The following FERRY3 variants were observed in gnomAD, a reference collection of about 807,000 sequenced individuals.
FERRY3 encodes the protein protein C12orf4.
At chr12:4,517,684 A>AAAATATATATAT in the FERRY3 span, among the ~76,000 whole-genome samples, 4 of 140,554 alleles carry the variant, frequency 2.8e-5, no homozygotes, top group Middle Eastern at 3.7e-3. Flanking sequence ...AGGTTATTAA[A>AAAATATATATAT]ATATATATAT....
chr12:4,529,785 T>C, the FERRY3 span: 10 of 1,190,706 alleles, frequency 8.4e-6, no homozygotes, highest in East Asian at 2.5e-5. Context: ...ATCCTTTTTG[T>C]AAAAAATAAA....
chr12:4,516,853 T>C, the FERRY3 span, among the ~76,000 whole-genome samples: 3 of 152,270 alleles, frequency 2.0e-5, no homozygotes, highest in East Asian at 5.8e-4. Flanking sequence ...ACCCTGGAAC[T>C]TAAAGTAAAA....
chr12:4,536,109 C>G, the FERRY3 span: 1 of 1,609,924 alleles, frequency 6.2e-7, no homozygotes, highest in East Asian at 2.2e-5. Flanking sequence ...GAGTGGCACT[C>G]TCAGTTCTAA....
the FERRY3 span, among the ~76,000 whole-genome samples, chr12:4,524,256 A>G: frequency 6.6e-6 from 1 of 152,184 alleles, no homozygotes; most frequent in Middle Eastern, 3.4e-3. Context: ...TTTTTTTCCT[A>G]TTGTTATTTT....
the FERRY3 span, among the ~76,000 whole-genome samples, chr12:4,520,441 A>G: frequency 6.6e-6 from 1 of 152,232 alleles, no homozygotes; most frequent in Non-Finnish European, 1.5e-5. Flanking sequence ...TGGGAGGCAG[A>G]GCAAAAGTAT....
the FERRY3 span, among the ~76,000 whole-genome samples, chr12:4,504,458 C>T: frequency 6.6e-6 from 1 of 152,204 alleles, no homozygotes; most frequent in African/African-American, 2.4e-5. Context: ...ACTGAATTTT[C>T]AGTTGTTAAA....
At chr12:4,490,607 A>G in the FERRY3 span, 1 of 1,596,560 alleles carries the variant, frequency 6.3e-7, no homozygotes, top group Non-Finnish European at 8.6e-7. Flanking sequence ...AGAAAAACAG[A>G]TGTTGCTGCA....
chr12:4,530,953 T>C, the FERRY3 span, among the ~76,000 whole-genome samples: 3 of 152,098 alleles, frequency 2.0e-5, no homozygotes, highest in Non-Finnish European at 2.9e-5. Flanking sequence ...ATTATAGATC[T>C]TTGCAAAAGA....
chr12:4,518,273 TC>T, the FERRY3 span: 249 of 1,609,298 alleles, frequency 1.5e-4, 2 homozygotes, highest in East Asian at 4.2e-3. Context: ...TAGGCAATAG[TC>T]CAGGAAAGAT....
the FERRY3 span, among the ~76,000 whole-genome samples, chr12:4,536,789 A>T: frequency 6.6e-6 from 1 of 152,228 alleles, no homozygotes; most frequent in Non-Finnish European, 1.5e-5. Context: ...ACTAAGGAAG[A>T]AGAAAATCTA....
chr12:4,504,809 T>G, the FERRY3 span, among the ~76,000 whole-genome samples: 1 of 152,172 alleles, frequency 6.6e-6, no homozygotes, highest in African/African-American at 2.4e-5. Context: ...AGTATAATAT[T>G]AATAATTTTT....
the FERRY3 span, among the ~76,000 whole-genome samples, chr12:4,528,061 AG>A: frequency 2.6e-5 from 4 of 152,076 alleles, no homozygotes; most frequent in East Asian, 7.7e-4. Context: ...ATAGTTTTCT[AG>A]GGGGTAGAGG....
the FERRY3 span, chr12:4,502,362 A>T: frequency 2.2e-6 from 1 of 447,520 alleles, no homozygotes; most frequent in South Asian, 1.6e-5. The surrounding 1 kb of genome is among the most constrained non-coding windows in gnomAD (Gnocchi z 4.2). Context: ...TGAGTATTTA[A>T]GGCTGAACGC....
At chr12:4,500,164 G>A in the FERRY3 span, 1 of 1,613,940 alleles carries the variant, frequency 6.2e-7, no homozygotes, top group Non-Finnish European at 8.5e-7. Flanking sequence ...ACCAGCAAGA[G>A]AGGAATGCTT....
the FERRY3 span, among the ~76,000 whole-genome samples, chr12:4,531,268 G>A: frequency 6.6e-6 from 1 of 152,164 alleles, no homozygotes; most frequent in Non-Finnish European, 1.5e-5. Flanking sequence ...ACGTGCGACT[G>A]CTGTAGGAAT....
the FERRY3 span, among the ~76,000 whole-genome samples, chr12:4,507,740 T>C: frequency 6.6e-6 from 1 of 152,202 alleles, no homozygotes; most frequent in Non-Finnish European, 1.5e-5. Flanking sequence ...ATGGTCTTTA[T>C]GGACTGATAC....
At chr12:4,502,138 T>C in the FERRY3 span, among the ~76,000 whole-genome samples, 1 of 152,228 alleles carries the variant, frequency 6.6e-6, no homozygotes, top group Non-Finnish European at 1.5e-5. The surrounding 1 kb of genome is among the most constrained non-coding windows in gnomAD (Gnocchi z 4.2). Flanking sequence ...GACTATCCTA[T>C]GTACTAGTGG....
the FERRY3 span, among the ~76,000 whole-genome samples, chr12:4,498,839 G>A: frequency 3.9e-5 from 6 of 152,100 alleles, no homozygotes; most frequent in Non-Finnish European, 5.9e-5. Flanking sequence ...TAGCTCCCTC[G>A]CACACGCAGT....
chr12:4,519,814 C>T, the FERRY3 span, among the ~76,000 whole-genome samples: 3 of 152,300 alleles, frequency 2.0e-5, no homozygotes, highest in African/African-American at 7.2e-5. This position sits in a 1 kb window ranked among gnomAD's most constrained non-coding sequence, Gnocchi z 4.3. Flanking sequence ...CGCATGCAAG[C>T]GATCGAGGTT....
Sources: gnomAD v4.1 joint callset for allele counts (sites outside exome capture counted in the v4.1 genomes callset) on GRCh38, gnomAD v4.1.1 for gene constraint, Gnocchi (gnomAD v3.1) non-coding constraint, MANE v1.5 for transcripts, NCBI Gene and HGNC (gene_info 2026-07-23, HGNC 2026-07-21) for gene names.